SGCD: variants seen among roughly 807,000 people sequenced by gnomAD.
The protein encoded by SGCD is delta-sarcoglycan.
In SGCD, 18 loss-of-function variants were observed where a neutral mutation model predicts 36.6. The ratio of observed to expected loss-of-function variants is 0.49; its 90% CI spans 0.34 to 0.73. SGCD has a LOEUF of 0.73. SGCD is among the 30% of genes least tolerant of loss of function. The probability of loss-of-function intolerance (pLI) is 0.01; values close to 1 mark genes in which losing one functional copy is unlikely to be tolerated. For missense variants in SGCD, 387 were observed against 346.7 expected, an observed-to-expected ratio of 1.12 and a Z score of -0.92; for synonymous variants, 133 against 130.6, an observed-to-expected ratio of 1.02 and a Z score of -0.12.
intron 4 of SGCD, among the ~76,000 whole-genome samples, chr5:156,556,769 T>G (rs891479617): frequency 6.6e-6 from 1 of 152,198 alleles, no homozygotes; most frequent in African/African-American, 2.4e-5. Context: ...AAACATTTTC[T>G]TTATTGATGG....
At chr5:156,609,249 A>G (rs1045445117) in intron 6 of SGCD, among the ~76,000 whole-genome samples, 8 of 152,044 alleles carry the variant, frequency 5.3e-5, no homozygotes, top group Non-Finnish European at 8.8e-5. Flanking sequence ...GGTGGTGACA[A>G]AATCTCTCAG....
chr5:156,735,082 T>A lies in SGCD; in HGVS notation c.576-22499T>A, dbSNP rs941148664. ...AAGGCCTGCTGCAGTTTGCTGGGGATCCACTCCAGTCCCTAATCACCTCAG... is the reference window on the plus strand; with the variant it reads ...AAGGCCTGCTGCAGTTTGCTGGGGAACCACTCCAGTCCCTAATCACCTCAG... On this transcript the variant is annotated intron_variant, in intron 7 of 8. Transcript: ENST00000337851. 7.2e-5 allele frequency among the ~76,000 whole-genome samples: 11 copies of A among 152,186 alleles called. No individual in the cohort carries two copies. The East Asian group carries it at 2.1e-3, about 29-fold the overall frequency.
At chr5:156,615,052 T>A (rs187054692) in intron 6 of SGCD, among the ~76,000 whole-genome samples, 43 of 152,302 alleles carry the variant, frequency 2.8e-4, no homozygotes, top group Admixed American at 9.8e-4. Flanking sequence ...AAATGTAAAG[T>A]TAGTATGCAA....
intron 7 of SGCD, among the ~76,000 whole-genome samples, chr5:156,714,515 G>T (rs942504007): frequency 5.3e-5 from 8 of 152,120 alleles, no homozygotes; most frequent in African/African-American, 1.9e-4. Context: ...TCTTTAAACA[G>T]AAACACACAT....
At chr5:156,444,867 C>G (rs1332318655) in intron 3 of SGCD, among the ~76,000 whole-genome samples, 6 of 152,020 alleles carry the variant, frequency 3.9e-5, no homozygotes, top group Non-Finnish European at 1.5e-5. Flanking sequence ...TGTGTTTTTA[C>G]AAGAGGATAA....
chr5:156,387,638 A>G (rs1016703506), intron 3 of SGCD, among the ~76,000 whole-genome samples: 4 of 152,202 alleles, frequency 2.6e-5, no homozygotes, highest in African/African-American at 9.6e-5. Context: ...ACATGGCTTT[A>G]TAAAAGCAGA....
intron 4 of SGCD, among the ~76,000 whole-genome samples, chr5:156,516,392 C>G (rs1757168264): frequency 6.6e-6 from 1 of 152,168 alleles, no homozygotes; most frequent in South Asian, 2.1e-4. Flanking sequence ...CAGGAAAAGA[C>G]CCAGGAGTGG....
chr5:156,209,231 C>G (rs1027115961), intron 3 of SGCD, among the ~76,000 whole-genome samples: 1 of 152,224 alleles, frequency 6.6e-6, no homozygotes, highest in Non-Finnish European at 1.5e-5. Flanking sequence ...GTTTTCTCCA[C>G]TGCCAGGCCA....
intron 4 of SGCD, among the ~76,000 whole-genome samples, chr5:156,554,738 G>A (rs1758948692): frequency 1.3e-5 from 2 of 151,634 alleles, no homozygotes; most frequent in Admixed American, 1.3e-4. Flanking sequence ...GAAGATAAGG[G>A]AGGACCACTG....
intron 7 of SGCD, among the ~76,000 whole-genome samples, chr5:156,667,282 G>A (rs1211035329): frequency 1.3e-5 from 2 of 152,176 alleles, no homozygotes; most frequent in Non-Finnish European, 2.9e-5. Flanking sequence ...GACACAAGGA[G>A]GAGTGTATAT....
intron 1 of SGCD, among the ~76,000 whole-genome samples, chr5:155,920,739 G>T (rs1756859031): frequency 6.6e-6 from 1 of 152,108 alleles, no homozygotes; most frequent in Admixed American, 6.6e-5. Flanking sequence ...GCATACTCTT[G>T]GATGGTGCAG....
intron 3 of SGCD, among the ~76,000 whole-genome samples, chr5:156,265,159 C>G (rs1467833751): frequency 6.6e-6 from 1 of 152,140 alleles, no homozygotes; most frequent in African/African-American, 2.4e-5. Context: ...GCATTCCAGC[C>G]TCAGCCTTCA....
intron 3 of SGCD, among the ~76,000 whole-genome samples, chr5:156,417,633 G>T (rs1773113615): frequency 1.3e-5 from 2 of 152,112 alleles, no homozygotes; most frequent in East Asian, 1.9e-4. Flanking sequence ...CTCACATGGT[G>T]GAGAGACGGA....
At chr5:156,307,555 G>GTTGT (rs1188757705) in intron 3 of SGCD, among the ~76,000 whole-genome samples, 62 of 41,094 alleles carry the variant, frequency 1.5e-3, no homozygotes, top group Non-Finnish European at 1.9e-3. Flanking sequence ...TTTAACTGTT[G>GTTGT]TTTTTTTTTT....
intron 1 of SGCD, among the ~76,000 whole-genome samples, chr5:155,942,061 C>T (rs572464144): frequency 1.8e-4 from 27 of 152,230 alleles, no homozygotes; most frequent in African/African-American, 5.8e-4. Context: ...TGGTGGGTAA[C>T]TCCTATTGGA....
In SGCD at chr5:156,589,202, C is replaced by CT. The variant is rs1439724667; in HGVS notation, c.295-29_295-28insT. 256 of 1,437,248 alleles carry CT rather than the reference C, an allele frequency of 1.8e-4. 1 individual carries two copies. Among genetic ancestry groups the CT allele is most frequent in the Non-Finnish European group, 2.4e-4 (249 of 1,042,428 alleles). The allele number at this position is 1,437,248 out of a possible 1,614,324, so 89.0% of individuals were successfully genotyped here. ...TTTTTGTTTAGAAATCTATCATTTT[C>CT]ATGTCTTTCTCTTATTTTCTTATTG... On this transcript the variant is annotated intron_variant, in intron 4 of 8. Coordinates refer to ENST00000337851, the MANE Select transcript of SGCD (RefSeq NM_000337.6).
intron 3 of SGCD, among the ~76,000 whole-genome samples, chr5:156,347,791 G>A (rs1769025104): frequency 6.6e-6 from 1 of 152,132 alleles, no homozygotes; most frequent in South Asian, 2.1e-4. Flanking sequence ...TTATCTGGAA[G>A]ACTTAATAGA....
intron 7 of SGCD, among the ~76,000 whole-genome samples, chr5:156,698,840 T>TACACACACACACACACAC (rs150929203): frequency 8.6e-5 from 12 of 139,988 alleles, no homozygotes; most frequent in African/African-American, 3.1e-4. Flanking sequence ...TAAATTAAAA[T>TACACACACACACACACAC]ACACACACAC....
At chr5:155,914,691 G>A (rs1441081438) in intron 1 of SGCD, among the ~76,000 whole-genome samples, 1 of 152,120 alleles carries the variant, frequency 6.6e-6, no homozygotes, top group African/African-American at 2.4e-5. Flanking sequence ...GTCCCTACAA[G>A]TATGCTTCAA....
Sources: gnomAD v4.1 joint callset for allele counts (sites outside exome capture counted in the v4.1 genomes callset) on GRCh38, gnomAD v4.1.1 for gene constraint, MANE v1.5 for transcripts, NCBI Gene and HGNC (gene_info 2026-07-23, HGNC 2026-07-21) for gene names.